The following XKR4 variants were observed in gnomAD, a reference collection of about 807,000 sequenced individuals.
The protein encoded by XKR4 is XK related 4.
XKR4 carries 12 observed loss-of-function variants against 53.9 expected under a neutral mutation model. That is an observed-to-expected ratio of 0.22 (90% CI 0.14 to 0.36). XKR4 has a LOEUF of 0.36. Ranked by LOEUF, XKR4 falls within the 10% of genes least tolerant of loss-of-function variation. XKR4 has a pLI of 1.00. For missense variants in XKR4, 799 were observed against 859.5 expected (o/e 0.93, Z 0.88); for synonymous variants, 354 against 362.4 (o/e 0.98, Z 0.26).
intron 1 of XKR4, among the ~76,000 whole-genome samples, chr8:55,345,655 C>T (rs1218077568): frequency 6.6e-6 from 1 of 152,200 alleles, no homozygotes; most frequent in Non-Finnish European, 1.5e-5. Context: ...TGTGCATATT[C>T]CCCATCTCTC....
intron 2 of XKR4, among the ~76,000 whole-genome samples, chr8:55,411,595 C>T (rs1381751267): frequency 6.6e-6 from 1 of 152,194 alleles, no homozygotes; most frequent in Non-Finnish European, 1.5e-5. Flanking sequence ...ATTCCCAAAA[C>T]ACGTTGTGGA....
Position 55,527,429 on chromosome 8 carries a change from G to A in XKR4, c.*3202G>A, listed in dbSNP as rs1695078062. ...GCATAGGATCAGGAAATTTTCTAAAGGAACAACATTGTAATTTGTTTTACT... is the reference window on the plus strand; with the variant it reads ...GCATAGGATCAGGAAATTTTCTAAAAGAACAACATTGTAATTTGTTTTACT... On this transcript the variant is annotated 3_prime_UTR_variant, in exon 3 of 3. Coordinates refer to ENST00000327381, the MANE Select transcript of XKR4 (RefSeq NM_052898.2). The A allele has an allele frequency of 1.3e-5, 2 of 152,090 alleles. No homozygotes were observed. Among genetic ancestry groups the A allele is most frequent in the African/African-American group, 4.8e-5 (2 of 41,424 alleles). The allele number at this position is 152,090 out of a possible 1,614,324, so 9.4% of individuals were successfully genotyped here.
chr8:55,150,961 T>C (rs1262939968), intron 1 of XKR4, among the ~76,000 whole-genome samples: 1 of 152,224 alleles, frequency 6.6e-6, no homozygotes, highest in Non-Finnish European at 1.5e-5. Flanking sequence ...CTAACCTTTT[T>C]AAGAAACAGA....
At chr8:55,330,703 A>G (rs1803370760) in intron 1 of XKR4, among the ~76,000 whole-genome samples, 1 of 152,126 alleles carries the variant, frequency 6.6e-6, no homozygotes, top group Admixed American at 6.5e-5. Context: ...ATCCACATCC[A>G]AGCACCTTCC....
intron 1 of XKR4, among the ~76,000 whole-genome samples, chr8:55,335,203 T>TA (rs1383588918): frequency 6.6e-6 from 1 of 152,162 alleles, no homozygotes; most frequent in African/African-American, 2.4e-5. Context: ...ACAACTATAT[T>TA]AAGGAAACCC....
In XKR4 at chr8:55,268,902, T is replaced by C. The variant is rs140933179; in HGVS notation, c.807-88776T>C. 3.3e-4 allele frequency among the ~76,000 whole-genome samples: 50 copies of C among 152,332 alleles called. No individual in the cohort carries two copies. In the East Asian group the frequency reaches 7.5e-3, roughly 23 times the overall value. The stretch of plus-strand genomic sequence containing the variant: ...TCAAAGCCCCTACATCTATATGTTC[T>C]AAATAGACTTCTACATGTTTTAATC... On this transcript the variant is annotated intron_variant, in intron 1 of 2. Coordinates refer to ENST00000327381, the MANE Select transcript of XKR4 (RefSeq NM_052898.2).
intron 1 of XKR4, among the ~76,000 whole-genome samples, chr8:55,146,477 T>C (rs767506553): frequency 1.3e-5 from 2 of 152,230 alleles, no homozygotes; most frequent in Admixed American, 6.5e-5. Context: ...CTTTCTGCAG[T>C]GATAGAACTG....
intron 2 of XKR4, among the ~76,000 whole-genome samples, chr8:55,483,997 A>G (rs1585600066): frequency 1.3e-5 from 2 of 152,196 alleles, no homozygotes; most frequent in African/African-American, 4.8e-5. Context: ...TCAGGAATGA[A>G]ATAAGAAACA....
At chr8:55,306,517 C>A (rs111822417) in intron 1 of XKR4, among the ~76,000 whole-genome samples, 1 of 152,072 alleles carries the variant, frequency 6.6e-6, no homozygotes, top group South Asian at 2.1e-4. Context: ...ACTATCATGG[C>A]GGAAGGCAAG....
At chr8:55,361,710 A>G (rs1004627771) in intron 2 of XKR4, among the ~76,000 whole-genome samples, 4 of 152,076 alleles carry the variant, frequency 2.6e-5, no homozygotes, top group Admixed American at 6.6e-5. Flanking sequence ...GCAAGTTCCA[A>G]GGCCTTTGTG....
At position 55,365,075 on chromosome 8, in the gene XKR4, C is replaced by A. The variant is rs73680294; in HGVS notation, c.1006+7198C>A. 8.0e-3 allele frequency among the ~76,000 whole-genome samples: 1,217 copies of A among 152,262 alleles called. 21 individuals carry two copies. The highest frequency in any genetic ancestry group is 0.028 in the African/African-American group (1,159 of 41,550). On this transcript the variant is annotated intron_variant, in intron 2 of 2. Coordinates refer to ENST00000327381, the MANE Select transcript of XKR4 (RefSeq NM_052898.2). ...GTTTCTATGAAATTTATGTTGACAG[C>A]TTTTGAAAACTTGGGTAGGACCAGG...
intron 1 of XKR4, among the ~76,000 whole-genome samples, chr8:55,162,651 A>G (rs550580501): frequency 2.7e-4 from 41 of 152,264 alleles, no homozygotes; most frequent in South Asian, 2.1e-3. Context: ...TTCCACTACA[A>G]TTGAAAGTCC....
chr8:55,209,245 G>C (rs1293724573), intron 1 of XKR4, among the ~76,000 whole-genome samples: 19 of 137,590 alleles, frequency 1.4e-4, no homozygotes, highest in Middle Eastern at 3.7e-3. Context: ...TCTCTCACCT[G>C]CTCAGCCCCC....
chr8:55,314,766 T>C (rs983423015), intron 1 of XKR4, among the ~76,000 whole-genome samples: 2 of 152,154 alleles, frequency 1.3e-5, no homozygotes, highest in Admixed American at 1.3e-4. Context: ...CCGACCTAAC[T>C]CTTGTGAGAG....
intron 2 of XKR4, chr8:55,451,528 A>G: frequency 1.9e-6 from 2 of 1,034,246 alleles, no homozygotes; most frequent in Non-Finnish European, 2.9e-6. Flanking sequence ...AAAGAGTCCG[A>G]CTACACCTAT....
At chr8:55,209,831 A>G (rs1408985780) in intron 1 of XKR4, among the ~76,000 whole-genome samples, 1 of 152,198 alleles carries the variant, frequency 6.6e-6, no homozygotes, top group Non-Finnish European at 1.5e-5. Context: ...CCTTCTAAGT[A>G]AGATTTAAAT....
chr8:55,153,978 T>G (rs1816873102), intron 1 of XKR4, among the ~76,000 whole-genome samples: 1 of 152,188 alleles, frequency 6.6e-6, no homozygotes, highest in South Asian at 2.1e-4. Flanking sequence ...GTAAACACAT[T>G]GATAAACTCA....
intron 2 of XKR4, among the ~76,000 whole-genome samples, chr8:55,409,124 C>T (rs919884183): frequency 3.3e-5 from 5 of 151,814 alleles, no homozygotes; most frequent in African/African-American, 1.2e-4. Flanking sequence ...GGCACAGAAA[C>T]AAGACAGACA....
At chr8:55,481,546 G>A (rs1806106500) in intron 2 of XKR4, among the ~76,000 whole-genome samples, 6 of 152,102 alleles carry the variant, frequency 3.9e-5, no homozygotes, top group Admixed American at 2.0e-4. Context: ...ATTGACAATG[G>A]GATCTAATTA....
Sources: gnomAD v4.1 joint callset for allele counts (sites outside exome capture counted in the v4.1 genomes callset) on GRCh38, gnomAD v4.1.1 for gene constraint, MANE v1.5 for transcripts, NCBI Gene and HGNC (gene_info 2026-07-23, HGNC 2026-07-21) for gene names.